Variants in PDE5A observed in about 807,000 individuals in gnomAD.
The protein encoded by PDE5A is cGMP-specific 3',5'-cyclic phosphodiesterase.
Under a neutral mutation model 110.2 loss-of-function variants are expected in PDE5A, and 67 were observed. That is an observed-to-expected ratio of 0.61 (90% CI 0.50 to 0.75). The LOEUF (loss-of-function observed/expected upper bound fraction) is 0.75, where lower values mean the gene tolerates loss of function less well. Among genes scored for constraint, PDE5A ranks in the 30% least tolerant of loss-of-function variants. PDE5A has a pLI of 0.00. For synonymous variants in PDE5A, 328 were observed against 351.2 expected, an observed-to-expected ratio of 0.93 and a Z score of 0.74; for missense variants, 862 against 1,045.1, an observed-to-expected ratio of 0.82 and a Z score of 2.42.
At chr4:119,500,357 G>A (rs1393107994) in intron 20 of PDE5A, 1 of 150,108 alleles carries the variant, frequency 6.7e-6, no homozygotes, top group African/African-American at 2.5e-5. Context: ...TTGATGGCGA[G>A]AATCCTGGAG....
rs932586641 is a variant in PDE5A at position 119,627,023 on chromosome 4, T to C, written c.152+1497A>G. 2 of 1,049,120 alleles carry C rather than the reference T, an allele frequency of 1.9e-6. No homozygotes were observed. The highest frequency in any genetic ancestry group is 3.2e-5 in the African/African-American group (2 of 62,696). The allele number at this position is 1,049,120 out of a possible 1,614,324, so 65.0% of individuals were successfully genotyped here. On this transcript the variant is annotated intron_variant, in intron 1 of 20. Coordinates refer to ENST00000354960, the MANE Select transcript of PDE5A (RefSeq NM_001083.4). This position sits in a 1 kb window ranked among gnomAD's most constrained non-coding sequence, Gnocchi z 4.6. ...AAAGAATAACAACAACAACAAAAGT[T>C]ATACAGTCAATTTTCAATGATACAT...
chr4:119,505,347 T>C (rs1240991549), intron 17 of PDE5A, among the ~76,000 whole-genome samples: 2 of 151,976 alleles, frequency 1.3e-5, no homozygotes, highest in Non-Finnish European at 2.9e-5. Flanking sequence ...ATACACTATA[T>C]GTCTTATGCA....
intron 16 of PDE5A, among the ~76,000 whole-genome samples, chr4:119,507,226 T>C (rs1359713008): frequency 6.6e-6 from 1 of 151,878 alleles, no homozygotes; most frequent in East Asian, 1.9e-4. Context: ...CCAACTAAGC[T>C]TGAATGACGG....
intron 15 of PDE5A, 149 bp downstream of exon 15, chr4:119,510,898 C>T (rs566044517): frequency 1.7e-5 from 9 of 533,204 alleles, no homozygotes; most frequent in Admixed American, 1.3e-4. Flanking sequence ...GTGAGGATCT[C>T]AAATGTTTTG....
At chr4:119,503,543 G>A (rs911285322) in intron 18 of PDE5A, among the ~76,000 whole-genome samples, 6 of 152,104 alleles carry the variant, frequency 3.9e-5, no homozygotes, top group African/African-American at 1.4e-4. Flanking sequence ...CATAAGAAAA[G>A]TAATTTTGCT....
intron 11 of PDE5A, among the ~76,000 whole-genome samples, chr4:119,535,139 A>G (rs1726685831): frequency 6.6e-6 from 1 of 152,194 alleles, no homozygotes; most frequent in African/African-American, 2.4e-5. Context: ...CCAATGAAAG[A>G]GCAGGCTAGG....
intron 2 of PDE5A, among the ~76,000 whole-genome samples, chr4:119,605,495 A>C (rs1443846095): frequency 1.3e-5 from 2 of 151,936 alleles, no homozygotes; most frequent in Non-Finnish European, 2.9e-5. Flanking sequence ...AAAAATACAA[A>C]AATTAGCCAG....
intron 1 of PDE5A, among the ~76,000 whole-genome samples, chr4:119,624,287 T>C (rs1487419716): frequency 6.6e-6 from 1 of 152,186 alleles, no homozygotes; most frequent in Non-Finnish European, 1.5e-5. Context: ...TATTCCTATA[T>C]AATTATAGAA....
At chr4:119,557,933 T>G (rs1433947251) in intron 7 of PDE5A, among the ~76,000 whole-genome samples, 1 of 152,202 alleles carries the variant, frequency 6.6e-6, no homozygotes, top group Non-Finnish European at 1.5e-5. Flanking sequence ...AATATGTATA[T>G]TCCAAGAAAG....
chr4:119,538,837 G>A (rs1339805379), intron 11 of PDE5A, 123 bp downstream of exon 11: 2 of 771,270 alleles, frequency 2.6e-6, no homozygotes, highest in South Asian at 1.4e-5. Context: ...CAGTGACTTT[G>A]CATCCCTGCA....
intron 11 of PDE5A, among the ~76,000 whole-genome samples, chr4:119,531,594 AT>A (rs1432413901): frequency 6.6e-6 from 1 of 152,028 alleles, no homozygotes. Flanking sequence ...TGAGTGTATA[AT>A]TTTTTGAGTG....
intron 3 of PDE5A, among the ~76,000 whole-genome samples, chr4:119,594,548 T>C (rs1261410363): frequency 6.6e-6 from 1 of 152,188 alleles, no homozygotes; most frequent in African/African-American, 2.4e-5. Flanking sequence ...TCCCAAATAA[T>C]GCATGGGACA....
Position 119,552,554 on chromosome 4 carries a change from A to C in PDE5A, c.1392T>G (p.Val464=). Residue 464 remains valine (V), a synonymous_variant, in exon 9 of 21, where the codon GTT becomes GTG. Coordinates refer to ENST00000354960, the MANE Select transcript of PDE5A (RefSeq NM_001083.4). ...AGGTTAAAGGAAAGGTTTTACCTAT[A>C]ACTTTATTCTTCTTTCCATTTTTTA... ...TPIKNGKKNK[V]IGVCQLVNKM... 7.0e-7 allele frequency: 1 copy of C among 1,422,166 alleles called. No homozygotes were observed. The highest frequency in any genetic ancestry group is 9.5e-7 in the Non-Finnish European group (1 of 1,054,046). 88.1% of individuals were successfully genotyped at this position (1,422,166 alleles called of 1,614,324 possible). A position where few individuals can be genotyped will look rare whatever the true frequency, so the allele number is the denominator to read the frequency against.
At chr4:119,597,309 T>C (rs1254786669) in intron 2 of PDE5A, among the ~76,000 whole-genome samples, 1 of 151,910 alleles carries the variant, frequency 6.6e-6, no homozygotes, top group Non-Finnish European at 1.5e-5. Flanking sequence ...TGAGGGTTTT[T>C]TTTTTTTTCT....
chr4:119,503,159 A>G (rs1249574351), intron 18 of PDE5A, among the ~76,000 whole-genome samples: 1 of 152,114 alleles, frequency 6.6e-6, no homozygotes, highest in Non-Finnish European at 1.5e-5. Flanking sequence ...TGTCTGTTTC[A>G]TGAGATGAGC....
intron 4 of PDE5A, among the ~76,000 whole-genome samples, chr4:119,566,402 C>A (rs1282786877): frequency 1.3e-5 from 2 of 152,108 alleles, no homozygotes; most frequent in Admixed American, 1.3e-4. Flanking sequence ...ATGATATACA[C>A]ATAATTACTT....
At chr4:119,516,774 C>T (rs1725923173) in intron 14 of PDE5A, among the ~76,000 whole-genome samples, 1 of 152,162 alleles carries the variant, frequency 6.6e-6, no homozygotes, top group Non-Finnish European at 1.5e-5. Context: ...CCCGCCACCA[C>T]ACCCGGCTAA....
At chr4:119,576,861 G>C (rs1306300861) in intron 3 of PDE5A, among the ~76,000 whole-genome samples, 1 of 152,106 alleles carries the variant, frequency 6.6e-6, no homozygotes, top group African/African-American at 2.4e-5. Flanking sequence ...AGGAAACAGA[G>C]ACACAAAAAA....
At chr4:119,521,997 A>G (rs1726146327) in intron 12 of PDE5A, among the ~76,000 whole-genome samples, 1 of 152,094 alleles carries the variant, frequency 6.6e-6, no homozygotes. Context: ...GCCCTGGGAA[A>G]TGGAAAAAGT....
Sources: allele counts gnomAD v4.1 joint callset (sites outside exome capture counted in the v4.1 genomes callset), GRCh38; gene constraint gnomAD v4.1.1; non-coding constraint Gnocchi (gnomAD v3.1); transcripts MANE v1.5; gene names NCBI Gene and HGNC (gene_info 2026-07-23, HGNC 2026-07-21).